Variants in ALK observed in about 807,000 individuals in gnomAD.
ALK encodes ALK receptor tyrosine kinase, also known as ALK tyrosine kinase receptor.
A neutral mutation model predicts 163.1 loss-of-function variants in ALK; 74 were observed. The observed-to-expected ratio is 0.45, with a 90% confidence interval of 0.38 to 0.55. The LOEUF (loss-of-function observed/expected upper bound fraction) is 0.55, where lower values mean the gene tolerates loss of function less well. Among genes scored for constraint, ALK ranks in the 20% least tolerant of loss-of-function variants. The probability of loss-of-function intolerance (pLI) is 0.00; values close to 1 mark genes in which losing one functional copy is unlikely to be tolerated. For missense variants in ALK, 2,063 were observed against 2,105.3 expected (o/e 0.98, Z 0.39); for synonymous variants, 960 against 843.2 (o/e 1.14, Z -2.40).
chr2:29,268,434 T>C (rs1665294761), intron 11 of ALK, among the ~76,000 whole-genome samples: 3 of 152,226 alleles, frequency 2.0e-5, no homozygotes, highest in African/African-American at 4.8e-5. Context: ...AGTGGCTTCA[T>C]ACTGGGCTTA....
At chr2:29,209,135 A>G (rs1172915727) in intron 25 of ALK, among the ~76,000 whole-genome samples, 3 of 152,176 alleles carry the variant, frequency 2.0e-5, no homozygotes, top group Non-Finnish European at 2.9e-5. Context: ...TGAGGAGTTG[A>G]GGAAGTTCAA....
Position 29,847,273 on chromosome 2 carries a change from G to A in ALK, c.667+72720C>T, listed in dbSNP as rs558590927. Among the ~76,000 whole-genome samples the A allele has an allele frequency of 9.9e-5, 15 of 152,214 alleles. 1 individual carries two copies. Among genetic ancestry groups the A allele is most frequent in the African/African-American group, 3.4e-4 (14 of 41,534 alleles). ...TGGCAAAAGTACTATCAGGAAAGTC[G>A]GGGAATAGGGTGGTGGTAGGGACGT... On this transcript the variant is annotated intron_variant, in intron 1 of 28. Coordinates refer to ENST00000389048, the MANE Select transcript of ALK (RefSeq NM_004304.5).
chr2:29,292,834 C>T (rs961619612), intron 9 of ALK, among the ~76,000 whole-genome samples: 1 of 152,172 alleles, frequency 6.6e-6, no homozygotes, highest in Admixed American at 6.5e-5. Context: ...AAATATCATT[C>T]CATGGATCAA....
intron 4 of ALK, among the ~76,000 whole-genome samples, chr2:29,495,439 C>A (rs1287744180): frequency 6.6e-6 from 1 of 152,174 alleles, no homozygotes; most frequent in Admixed American, 6.5e-5. Context: ...ACTCTTCTCC[C>A]TTTGGATTCT....
chr2:29,592,273 C>T (rs529870500), intron 3 of ALK, among the ~76,000 whole-genome samples: 2 of 152,262 alleles, frequency 1.3e-5, no homozygotes, highest in South Asian at 2.1e-4. Flanking sequence ...TGAGACCCAG[C>T]CACATCACCT....
chr2:29,785,100 C>T (rs1663974329), intron 1 of ALK, among the ~76,000 whole-genome samples: 1 of 152,110 alleles, frequency 6.6e-6, no homozygotes, highest in East Asian at 1.9e-4. Context: ...GCTTAGACAT[C>T]CGGAGAGCTG....
At position 29,754,134 on chromosome 2, in the gene ALK, A is replaced by G. The variant is rs546450025; in HGVS notation, c.668-36437T>C. ...TTAGAATCCAGGTTTTCTAACTCCT[A>G]AGGCAGTGCTCATTCTGTTCTGCTC... On this transcript the variant is annotated intron_variant, in intron 1 of 28. Transcript: ENST00000389048. Among the ~76,000 whole-genome samples the G allele has an allele frequency of 2.6e-5, 4 of 152,290 alleles. No individual in the cohort carries two copies. In the East Asian group the frequency reaches 7.7e-4, roughly 29 times the overall value.
chr2:29,408,891 C>A (rs925243036), intron 4 of ALK, among the ~76,000 whole-genome samples: 1 of 152,190 alleles, frequency 6.6e-6, no homozygotes, highest in Non-Finnish European at 1.5e-5. Flanking sequence ...AAGAAAAGAA[C>A]AGAACTTGCT....
At chr2:29,682,877 T>A (rs1018812621) in intron 3 of ALK, among the ~76,000 whole-genome samples, 1 of 152,122 alleles carries the variant, frequency 6.6e-6, no homozygotes, top group African/African-American at 2.4e-5. Context: ...AGAAGGAGGT[T>A]GCCAAATATA....
chr2:29,832,104 G>C (rs541592282), intron 1 of ALK, among the ~76,000 whole-genome samples: 1 of 152,148 alleles, frequency 6.6e-6, no homozygotes, highest in Non-Finnish European at 1.5e-5. Context: ...TTGTCATCTC[G>C]TGGAAATGGA....
Position 29,830,994 on chromosome 2 carries a change from GAA to G in ALK, c.667+88997_667+88998del, listed in dbSNP as rs1558508384. 4.4e-3 allele frequency among the ~76,000 whole-genome samples: 236 copies of G among 53,490 alleles called. 6 individuals carry two copies. The highest frequency in any genetic ancestry group is 5.9e-3 in the African/African-American group (105 of 17,810). 35.1% of individuals were successfully genotyped at this position (53,490 alleles called of 152,430 possible). ...AGAAGAAGAAGAAGAAGAAGAAGAA[GAA>G]GAAGAAGAAGAAGAAGGGGAAGAGG... On this transcript the variant is annotated intron_variant, in intron 1 of 28. Transcript: ENST00000389048.
intron 3 of ALK, among the ~76,000 whole-genome samples, chr2:29,556,639 A>G (rs1673869775): frequency 6.6e-6 from 1 of 152,204 alleles, no homozygotes; most frequent in African/African-American, 2.4e-5. Flanking sequence ...TATTATCAAG[A>G]AGCCTTAGGG....
At chr2:29,305,737 C>G (rs1340004095) in intron 8 of ALK, among the ~76,000 whole-genome samples, 1 of 152,164 alleles carries the variant, frequency 6.6e-6, no homozygotes, top group Non-Finnish European at 1.5e-5. Flanking sequence ...ACACCAGAGA[C>G]CAGTTTCGTG....
intron 5 of ALK, among the ~76,000 whole-genome samples, chr2:29,338,714 C>T (rs1406866837): frequency 6.6e-6 from 1 of 152,246 alleles, no homozygotes; most frequent in Non-Finnish European, 1.5e-5. Context: ...GTCACTTATT[C>T]AGTCTCCTCA....
chr2:29,323,267 C>G (rs1472348837), intron 6 of ALK, among the ~76,000 whole-genome samples: 9 of 152,188 alleles, frequency 5.9e-5, no homozygotes, highest in Admixed American at 5.9e-4. Flanking sequence ...AATTGCCATT[C>G]ACACCTAACT....
intron 1 of ALK, among the ~76,000 whole-genome samples, chr2:29,740,516 T>A (rs528734982): frequency 6.6e-6 from 1 of 152,204 alleles, no homozygotes; most frequent in East Asian, 1.9e-4. Flanking sequence ...AATTCCTACC[T>A]GCTTCAAAGG....
At chr2:29,417,655 G>T (rs1007115209) in intron 4 of ALK, among the ~76,000 whole-genome samples, 1 of 152,174 alleles carries the variant, frequency 6.6e-6, no homozygotes, top group African/African-American at 2.4e-5. Context: ...TGATAAAATA[G>T]CTTCTAACCT....
chr2:29,505,409 C>G (rs1216713736), intron 4 of ALK, among the ~76,000 whole-genome samples: 3 of 152,124 alleles, frequency 2.0e-5, no homozygotes, highest in Non-Finnish European at 4.4e-5. Flanking sequence ...AAGAGAAGTT[C>G]AAGTGGACTG....
At chr2:29,798,126 C>T (rs763612947) in intron 1 of ALK, among the ~76,000 whole-genome samples, 23 of 152,192 alleles carry the variant, frequency 1.5e-4, no homozygotes, top group Non-Finnish European at 2.5e-4. Context: ...TGCCAGTGTC[C>T]TTCATTACAT....
Sources: allele counts gnomAD v4.1 joint callset (sites outside exome capture counted in the v4.1 genomes callset), GRCh38; gene constraint gnomAD v4.1.1; transcripts MANE v1.5; gene names NCBI Gene and HGNC (gene_info 2026-07-23, HGNC 2026-07-21).